Variants in CCDC73 observed in about 807,000 individuals in gnomAD.
CCDC73 encodes coiled-coil domain-containing protein 73.
A neutral mutation model predicts 116.5 loss-of-function variants in CCDC73; 95 were observed. The observed-to-expected ratio is 0.82, with a 90% CI of 0.69 to 0.97. The LOEUF (loss-of-function observed/expected upper bound fraction) is 0.97, where lower values mean the gene tolerates loss of function less well. Ranked by LOEUF, CCDC73 falls within the 50% of genes least tolerant of loss-of-function variation. CCDC73 has a pLI of 0.00. For missense variants in CCDC73, 1,066 were observed against 1,206.8 expected (o/e 0.88, Z 1.73); for synonymous variants, 398 against 401.3 (o/e 0.99, Z 0.10).
At chr11:32,670,549 C>T (rs974675137) in intron 9 of CCDC73, among the ~76,000 whole-genome samples, 1 of 151,600 alleles carries the variant, frequency 6.6e-6, no homozygotes, top group African/African-American at 2.4e-5. Flanking sequence ...TTATTGATAG[C>T]TTGTTTTACA....
In CCDC73 at chr11:32,760,202, A is replaced by G. The variant is rs776155493; in HGVS notation, c.42T>C (p.Thr14=). Residue 14 remains threonine, a synonymous_variant, in exon 2 of 18, where the codon ACT becomes ACC. Transcript: ENST00000335185. ...NFNTESSSTF[T]LQSSSETLFS... ...ACAATGTCTCTGAAGAACTTTGAAG[A>G]GTAAAAGTAGATGATGACTCAGTAT... The G allele has an allele frequency of 3.1e-6, 5 of 1,589,120 alleles. No homozygotes were observed. The South Asian group carries it at 5.6e-5, about 18-fold the overall frequency.
At chr11:32,658,526 T>A (rs1855894286) in intron 9 of CCDC73, among the ~76,000 whole-genome samples, 1 of 152,162 alleles carries the variant, frequency 6.6e-6, no homozygotes, top group Non-Finnish European at 1.5e-5. Context: ...GGAAAGCCAA[T>A]TAAAGAAGCC....
At chr11:32,808,893 A>G in the CCDC73 span, among the ~76,000 whole-genome samples, 1 of 152,224 alleles carries the variant, frequency 6.6e-6, no homozygotes, top group African/African-American at 2.4e-5. Flanking sequence ...TTCATTATCT[A>G]TTCTGCCAGT....
intron 9 of CCDC73, among the ~76,000 whole-genome samples, chr11:32,663,169 G>A (rs186976064): frequency 1.3e-4 from 20 of 152,252 alleles, no homozygotes; most frequent in South Asian, 2.1e-4. Flanking sequence ...TTGGCAATGC[G>A]TGTCTTTTTT....
intron 3 of CCDC73, 37 bp from the exon 4 acceptor site, chr11:32,702,981 C>G: frequency 7.7e-7 from 1 of 1,302,738 alleles, no homozygotes; most frequent in Non-Finnish European, 1.1e-6. Flanking sequence ...AACACAAATT[C>G]TAGCAACTCT....
At chr11:32,772,580 G>A (rs1167440501) in intron 1 of CCDC73, among the ~76,000 whole-genome samples, 2 of 152,068 alleles carry the variant, frequency 1.3e-5, no homozygotes, top group African/African-American at 2.4e-5. Flanking sequence ...CTTGTTTAAG[G>A]AGATACAAGC....
chr11:32,759,967 TTC>T, intron 2 of CCDC73, 140 bp downstream of exon 2: 3 of 682,162 alleles, frequency 4.4e-6, no homozygotes, highest in Non-Finnish European at 7.5e-6. Context: ...ATCTGTCCTA[TTC>T]TCTTTTACTT....
rs1855440214 is a variant in CCDC73, at chr11:32,613,421, C to T, written c.2896+1G>A. 2 of 1,590,026 alleles carry T rather than the reference C, an allele frequency of 1.3e-6. No homozygotes were observed. Among genetic ancestry groups the T allele is most frequent in the East Asian group, 2.2e-5 (1 of 44,524 alleles). The stretch of plus-strand genomic sequence containing the variant: ...ATTAAAACATTACTTTGTTTTCTTA[C>T]CTGGTCCAATATCCTTTCCAACATC... On this transcript the variant is annotated splice_donor_variant, in intron 16 of 17. Coordinates refer to ENST00000335185, the MANE Select transcript of CCDC73 (RefSeq NM_001008391.4). LOFTEE classifies it high-confidence loss of function.
intron 2 of CCDC73, among the ~76,000 whole-genome samples, chr11:32,743,082 G>A (rs156163): frequency 0.014 from 2,185 of 152,238 alleles, 46 homozygotes; most frequent in African/African-American, 0.05. Flanking sequence ...TTTGAAGTCA[G>A]GTAGCATGAT....
intron 1 of CCDC73, among the ~76,000 whole-genome samples, chr11:32,788,676 T>C (rs1850647946): frequency 6.6e-6 from 1 of 151,858 alleles, no homozygotes; most frequent in Non-Finnish European, 1.5e-5. Flanking sequence ...GGTCTCACTA[T>C]GTTGCCCAGG....
chr11:32,637,659 C>T (rs1329148520), intron 13 of CCDC73, among the ~76,000 whole-genome samples: 1 of 151,794 alleles, frequency 6.6e-6, no homozygotes, highest in Admixed American at 6.6e-5. Context: ...TACACACACA[C>T]ACACCCCACT....
intron 7 of CCDC73, chr11:32,681,400 C>G (rs994204820): frequency 6.6e-6 from 1 of 151,924 alleles, no homozygotes; most frequent in Non-Finnish European, 1.5e-5. Context: ...TTATTGCATC[C>G]TTTTAATTGG....
chr11:32,695,315 G>A (rs1400694345), intron 6 of CCDC73, among the ~76,000 whole-genome samples: 1 of 150,650 alleles, frequency 6.6e-6, no homozygotes, highest in Non-Finnish European at 1.5e-5. Flanking sequence ...GTTGCAATGA[G>A]CCGAGATCGC....
Position 32,642,063 on chromosome 11 carries a change from T to C in CCDC73, c.959A>G (p.Glu320Gly). The C allele has an allele frequency of 6.4e-7, 1 of 1,563,136 alleles. No individual in the cohort carries two copies. Among genetic ancestry groups the C allele is most frequent in the Non-Finnish European group, 8.7e-7 (1 of 1,155,416 alleles). The change falls in exon 13 of 18, where the codon GAG (glutamate) becomes GGG (glycine). Residue 320 changes from glutamate to glycine, a missense_variant. By Grantham distance (98) the Glu-to-Gly change is moderately conservative. Transcript: ENST00000335185. ...ENNQTLERDN[E>G]LQREKVKENE... ...TTCTTTTACCTTCTCCCTTTGCAGC[T>C]CATTATCTCTTTCAAGGGTCTGCAA...
chr11:32,830,163 G>A, the CCDC73 span: 3 of 1,025,014 alleles, frequency 2.9e-6, no homozygotes, highest in South Asian at 4.6e-5. Context: ...AACATGTGCG[G>A]GGGGACACAG....
At chr11:32,618,238 A>G (rs1163295897) in intron 14 of CCDC73, among the ~76,000 whole-genome samples, 1 of 152,168 alleles carries the variant, frequency 6.6e-6, no homozygotes, top group African/African-American at 2.4e-5. Context: ...GTAGTATTCC[A>G]TGGTGTATAT....
At chr11:32,641,040 GAA>G (rs1456486013) in intron 13 of CCDC73, among the ~76,000 whole-genome samples, 31 of 151,346 alleles carry the variant, frequency 2.0e-4, no homozygotes, top group South Asian at 6.3e-4. Context: ...GAAAAGAAAA[GAA>G]AAGAAAACAT....
Position 32,683,893 on chromosome 11 carries a change from T to G in CCDC73, c.391-319A>C, listed in dbSNP as rs540655337. On this transcript the variant is annotated intron_variant, in intron 6 of 17. Coordinates refer to ENST00000335185, the MANE Select transcript of CCDC73 (RefSeq NM_001008391.4). ...TAAGACAAAAATAAAGCAAGAGAGA[T>G]AGAGAGAGCAGTCTAGGGGAGTTTG... 2.6e-5 allele frequency among the ~76,000 whole-genome samples: 4 copies of G among 152,182 alleles called. No homozygotes were observed. In the East Asian group the frequency reaches 5.8e-4, roughly 22 times the overall value.
At chr11:32,617,423 C>T (rs764036261) in intron 14 of CCDC73, among the ~76,000 whole-genome samples, 1 of 152,178 alleles carries the variant, frequency 6.6e-6, no homozygotes, top group African/African-American at 2.4e-5. Flanking sequence ...TATTTCATTT[C>T]ATTTTAAAAA....
Sources: allele counts gnomAD v4.1 joint callset (sites outside exome capture counted in the v4.1 genomes callset), GRCh38; gene constraint gnomAD v4.1.1; transcripts MANE v1.5; gene names NCBI Gene and HGNC (gene_info 2026-07-23, HGNC 2026-07-21).